EPHB2: variants seen among roughly 807,000 people sequenced by gnomAD.
EPHB2 encodes EPH receptor B2, also known as ephrin type-B receptor 2.
EPHB2 carries 18 observed loss-of-function variants against 96.4 expected under a neutral mutation model. That is an observed-to-expected ratio of 0.19 (90% confidence interval 0.13 to 0.28). EPHB2 has a LOEUF of 0.28. Among genes scored for constraint, EPHB2 ranks in the 10% least tolerant of loss-of-function variants. The pLI is 1.00. For synonymous variants in EPHB2, 506 were observed against 534.1 expected (o/e 0.95, Z 0.72); for missense variants, 989 against 1,355.4 (o/e 0.73, Z 4.25).
At chr1:22,843,716 T>G (rs766803027) in intron 3 of EPHB2, among the ~76,000 whole-genome samples, 5 of 152,218 alleles carry the variant, frequency 3.3e-5, no homozygotes, top group Non-Finnish European at 7.3e-5. Flanking sequence ...AATTTTTGTA[T>G]TTTTAATAGA....
intron 1 of EPHB2, among the ~76,000 whole-genome samples, chr1:22,735,394 A>G (rs1643804915): frequency 6.6e-6 from 1 of 151,614 alleles, no homozygotes; most frequent in Non-Finnish European, 1.5e-5. Flanking sequence ...AGTCATGGTC[A>G]TGCCACTGCA....
At chr1:22,761,433 G>GA (rs1389868238) in intron 1 of EPHB2, among the ~76,000 whole-genome samples, 3 of 152,046 alleles carry the variant, frequency 2.0e-5, no homozygotes, top group Non-Finnish European at 2.9e-5. Context: ...CTTTTATAAT[G>GA]AAAAAAATAA....
intron 3 of EPHB2, among the ~76,000 whole-genome samples, chr1:22,793,422 A>G (rs1253256759): frequency 1.3e-5 from 2 of 152,130 alleles, no homozygotes; most frequent in Non-Finnish European, 2.9e-5. Context: ...TTCCTGGAGG[A>G]GGAGCCATTT....
intron 1 of EPHB2, among the ~76,000 whole-genome samples, chr1:22,772,775 AG>A (rs1644397571): frequency 6.6e-6 from 1 of 152,188 alleles, no homozygotes; most frequent in African/African-American, 2.4e-5. Context: ...TCATCTGTAC[AG>A]TGGGATAAAG....
chr1:22,809,998 G>C (rs983522439), intron 3 of EPHB2, among the ~76,000 whole-genome samples: 1 of 152,218 alleles, frequency 6.6e-6, no homozygotes, highest in Non-Finnish European at 1.5e-5. Flanking sequence ...TTTGAAGGTT[G>C]AATAGGAGTC....
At position 22,863,064 on chromosome 1, in the gene EPHB2, A is replaced by C; in HGVS notation, c.839A>C (p.Asn280Thr). ...RGCPSGTFKANQGDEACTHCP... is the reference protein window; with the variant it reads ...RGCPSGTFKATQGDEACTHCP... ...TGTCCATCTGGGACTTTCAAGGCCA[A>C]CCAAGGGGATGAGGCCTGTACCCAC... Residue 280 changes from asparagine to threonine, a missense_variant, in exon 4 of 16, where the codon AAC becomes ACC. Asn to Thr is a moderately conservative substitution (Grantham distance 65). Coordinates refer to ENST00000374630, the MANE Select transcript of EPHB2 (RefSeq NM_017449.5). 6.2e-7 allele frequency: 1 copy of C among 1,614,200 alleles called. No individual in the cohort carries two copies. The highest frequency in any genetic ancestry group is 8.5e-7 in the Non-Finnish European group (1 of 1,180,028).
intron 3 of EPHB2, among the ~76,000 whole-genome samples, chr1:22,831,161 C>T (rs1205775950): frequency 6.6e-6 from 1 of 152,068 alleles, no homozygotes; most frequent in Non-Finnish European, 1.5e-5. Flanking sequence ...GCAGCCTGTA[C>T]ACTTTGAAGA....
At chr1:22,877,312 G>C (rs1638873273) in intron 5 of EPHB2, among the ~76,000 whole-genome samples, 1 of 152,248 alleles carries the variant, frequency 6.6e-6, no homozygotes, top group Admixed American at 6.5e-5. Flanking sequence ...TACCAGCCTT[G>C]TAGGGTTGAT....
Position 22,916,080 on chromosome 1 carries a change from C to T in EPHB2, c.*2510C>T, listed in dbSNP as rs149042042. On this transcript the variant is annotated 3_prime_UTR_variant, in exon 16 of 16. Transcript: ENST00000374630. The surrounding 1 kb of genome is among the most constrained non-coding windows in gnomAD (Gnocchi z 4.2). ...CACAGGGAAAGCATTGGCAGGTTTCCCACAAACTGGCCGGCAGTGGCCCAC... is the reference window on the plus strand; with the variant it reads ...CACAGGGAAAGCATTGGCAGGTTTCTCACAAACTGGCCGGCAGTGGCCCAC... 707 of 152,382 alleles carry T rather than the reference C, an allele frequency of 4.6e-3. 6 individuals carry two copies. The highest frequency in any genetic ancestry group is 0.016 in the African/African-American group (661 of 41,584). The allele number at this position is 152,382 out of a possible 1,614,324, so 9.4% of individuals were successfully genotyped here.
At chr1:22,841,135 A>G (rs1645461881) in intron 3 of EPHB2, among the ~76,000 whole-genome samples, 1 of 152,258 alleles carries the variant, frequency 6.6e-6, no homozygotes. Context: ...AAATGAATGA[A>G]TCTGCATACC....
chr1:22,862,878 C>T (rs370132347), intron 3 of EPHB2, among the ~76,000 whole-genome samples, 159 bp from the exon 4 acceptor site: 1 of 152,204 alleles, frequency 6.6e-6, no homozygotes, highest in Non-Finnish European at 1.5e-5. Flanking sequence ...CACGTTGGGG[C>T]CTGGAGACTT....
chr1:22,760,861 C>T (rs936630533), intron 1 of EPHB2, among the ~76,000 whole-genome samples: 8 of 152,238 alleles, frequency 5.3e-5, no homozygotes, highest in South Asian at 4.2e-4. Flanking sequence ...AGATCCTGTT[C>T]GGCCTTTTTC....
chr1:22,871,104 G>A (rs368691541), intron 5 of EPHB2, among the ~76,000 whole-genome samples: 3 of 152,316 alleles, frequency 2.0e-5, no homozygotes, highest in African/African-American at 7.2e-5. Context: ...ACAACGATAC[G>A]AGGTAGGTCC....
chr1:22,807,086 C>T (rs1253134049), intron 3 of EPHB2, among the ~76,000 whole-genome samples: 3 of 152,198 alleles, frequency 2.0e-5, no homozygotes, highest in Admixed American at 6.5e-5. Flanking sequence ...TCCCACGCTT[C>T]GAGGAACAGC....
At chr1:22,909,276 G>A in intron 13 of EPHB2, 105 bp downstream of exon 13, 6 of 1,566,864 alleles carry the variant, frequency 3.8e-6, no homozygotes, top group Non-Finnish European at 5.2e-6. Context: ...TGGGACATAG[G>A]CTTCTGAGAT....
At position 22,744,228 on chromosome 1, in the gene EPHB2, G is replaced by A. The variant is rs1474034720; in HGVS notation, c.61+33185G>A. Reference sequence around the variant, plus strand: ...CTGTTTCTAATAAAATTGAGCACACGCCTACCTCGTAGCCCAGTAATTCCA... The same window carrying A: ...CTGTTTCTAATAAAATTGAGCACACACCTACCTCGTAGCCCAGTAATTCCA... On this transcript the variant is annotated intron_variant, in intron 1 of 15. Coordinates refer to ENST00000374630, the MANE Select transcript of EPHB2 (RefSeq NM_017449.5). Among the ~76,000 whole-genome samples the A allele has an allele frequency of 2.6e-5, 4 of 151,684 alleles. No individual in the cohort carries two copies. In the East Asian group the frequency reaches 5.8e-4, roughly 22 times the overall value.
rs780926579 is a variant in EPHB2 at position 22,865,010 on chromosome 1, G to A, written c.1101G>A (p.Ser367=). ...VYNIICKSCG[S]GRGACTRCGD... ...ACATCATCTGCAAGAGCTGTGGCTC[G>A]GGCCGGGGTGCCTGCACCCGCTGCG... Residue 367 remains serine (S), a synonymous_variant, in exon 5 of 16, where the codon TCG becomes TCA. Coordinates refer to ENST00000374630, the MANE Select transcript of EPHB2 (RefSeq NM_017449.5). 1.2e-5 allele frequency: 19 copies of A among 1,610,322 alleles called. No individual in the cohort carries two copies. The highest frequency in any genetic ancestry group is 1.1e-4 in the East Asian group (5 of 44,816).
Position 22,767,730 on chromosome 1 carries a change from G to A in EPHB2, c.62-13691G>A, listed in dbSNP as rs77038922. Among the ~76,000 whole-genome samples, 41 of 152,186 alleles carry A rather than the reference G, an allele frequency of 2.7e-4. No individual in the cohort carries two copies. The East Asian group carries it at 7.5e-3, about 28-fold the overall frequency. ...CTTCCCCCTGTGTCTTCTCCACCTC[G>A]AAGGCTCTCTTGATTTCGAGCCCTG... On this transcript the variant is annotated intron_variant, in intron 1 of 15. Transcript: ENST00000374630.
chr1:22,849,217 T>G (rs950428768), intron 3 of EPHB2, among the ~76,000 whole-genome samples: 1 of 152,222 alleles, frequency 6.6e-6, no homozygotes, highest in Non-Finnish European at 1.5e-5. Context: ...CTGAATGCTC[T>G]TCTCCTCAGG....
Sources: allele counts gnomAD v4.1 joint callset (sites outside exome capture counted in the v4.1 genomes callset), GRCh38; gene constraint gnomAD v4.1.1; non-coding constraint Gnocchi (gnomAD v3.1); transcripts MANE v1.5; gene names NCBI Gene and HGNC (gene_info 2026-07-23, HGNC 2026-07-21).